AGAP1: variants seen among roughly 807,000 people sequenced by gnomAD.
AGAP1 encodes ArfGAP with GTPase domain, ankyrin repeat and PH domain 1, also known as arf-GAP with GTPase, ANK repeat and PH domain-containing protein 1.
A neutral mutation model predicts 105.3 loss-of-function variants in AGAP1; 29 were observed. The ratio of observed to expected loss-of-function variants is 0.28; its 90% CI spans 0.21 to 0.38. The LOEUF is 0.38. Ranked by LOEUF, AGAP1 falls within the 10% of genes least tolerant of loss-of-function variation. AGAP1 has a pLI of 1.00. For missense variants in AGAP1, 998 were observed against 1,165.1 expected (o/e 0.86, Z 2.09); for synonymous variants, 509 against 485.9 (o/e 1.05, Z -0.63).
chr2:235,828,164 T>C (rs574498583), intron 9 of AGAP1, among the ~76,000 whole-genome samples: 32 of 152,340 alleles, frequency 2.1e-4, no homozygotes, highest in African/African-American at 7.5e-4. Flanking sequence ...TCGAGTATCT[T>C]TCTTGGCTAC....
Position 235,494,770 on chromosome 2 carries a change from C to T in AGAP1, c.84C>T (p.Tyr28=), listed in dbSNP as rs777593432. 15 of 1,581,722 alleles carry T rather than the reference C, an allele frequency of 9.5e-6. No individual in the cohort carries two copies. Among genetic ancestry groups the T allele is most frequent in the Admixed American group, 8.8e-5 (5 of 56,790 alleles). The change falls in exon 1 of 18, where the codon TAC becomes TAT. Residue 28 remains tyrosine, a synonymous_variant. Transcript: ENST00000304032. Reference sequence around the variant, plus strand: ...TCGAGTCGGTCCACCCCAACATCTACTCCATCTACGAGCTGCTGGAGCGCG... The same window carrying T: ...TCGAGTCGGTCCACCCCAACATCTATTCCATCTACGAGCTGCTGGAGCGCG... ...QRFESVHPNI[Y]SIYELLERVE... is the part of the protein sequence containing the mutation.
At chr2:235,511,820 G>GTGTGAA (rs1559212578) in intron 1 of AGAP1, among the ~76,000 whole-genome samples, 2 of 152,102 alleles carry the variant, frequency 1.3e-5, no homozygotes, top group African/African-American at 4.8e-5. Flanking sequence ...GTGTGAGTGT[G>GTGTGAA]TGTGAATGTG....
Position 235,988,384 on chromosome 2 carries a change from C to G in AGAP1, c.1645+19761C>G, listed in dbSNP as rs1012637319. 4.6e-5 allele frequency among the ~76,000 whole-genome samples: 7 copies of G among 152,118 alleles called. No individual in the cohort carries two copies. Among genetic ancestry groups the G allele is most frequent in the African/African-American group, 1.7e-4 (7 of 41,430 alleles). Reference sequence around the variant, plus strand: ...TGGTGCGTGGGTGACAATGGATTCCCTGTCCCTGCTGCCATGAATCAGTCG... The same window carrying G: ...TGGTGCGTGGGTGACAATGGATTCCGTGTCCCTGCTGCCATGAATCAGTCG... On this transcript the variant is annotated intron_variant, in intron 13 of 17. Coordinates refer to ENST00000304032, the MANE Select transcript of AGAP1 (RefSeq NM_001037131.3). The surrounding 1 kb of genome is among the most constrained non-coding windows in gnomAD (Gnocchi z 4.7).
chr2:235,631,212 T>G lies in AGAP1; in HGVS notation c.164-77967T>G, dbSNP rs1946819426. Among the ~76,000 whole-genome samples the G allele has an allele frequency of 1.3e-5, 2 of 152,014 alleles. No homozygotes were observed. Among genetic ancestry groups the G allele is most frequent in the Non-Finnish European group, 2.9e-5 (2 of 68,000 alleles). The stretch of plus-strand genomic sequence containing the variant: ...CGTTGAAGAGCCTCCTTCCAGTGGG[T>G]AAATGGCAAACTCGATAACTGGAAT... On this transcript the variant is annotated intron_variant, in intron 1 of 17. Transcript: ENST00000304032. This position sits in a 1 kb window ranked among gnomAD's most constrained non-coding sequence, Gnocchi z 5.4.
At position 235,992,822 on chromosome 2, in the gene AGAP1, C is replaced by T. The variant is rs565318956; in HGVS notation, c.1645+24199C>T. ...CTCTTTGGGGTAGACCAGCCGTTTC[C>T]ACGCACAGGCTGCACATTGTTTCAT... On this transcript the variant is annotated intron_variant, in intron 13 of 17. Coordinates refer to ENST00000304032, the MANE Select transcript of AGAP1 (RefSeq NM_001037131.3). The surrounding 1 kb of genome is among the most constrained non-coding windows in gnomAD (Gnocchi z 4.8). Among the ~76,000 whole-genome samples, 1 of 152,272 alleles carries T rather than the reference C, an allele frequency of 6.6e-6. No homozygotes were observed. The highest frequency in any genetic ancestry group is 2.1e-4 in the South Asian group (1 of 4,820).
Position 235,689,780 on chromosome 2 carries a change from T to C in AGAP1, c.164-19399T>C. Among the ~76,000 whole-genome samples, 1 of 152,226 alleles carries C rather than the reference T, an allele frequency of 6.6e-6. No individual in the cohort carries two copies. The highest frequency in any genetic ancestry group is 1.5e-5 in the Non-Finnish European group (1 of 68,040). On this transcript the variant is annotated intron_variant, in intron 1 of 17. Transcript: ENST00000304032. The surrounding 1 kb of genome is among the most constrained non-coding windows in gnomAD (Gnocchi z 4.2). ...TGTGTACGTGCACACTTGTGTGACG[T>C]GTCAGCTCGTGCCTGCAGAGACTCT...
chr2:236,116,354 G>GTTTTTTTTTTTT (rs1382491873), intron 16 of AGAP1, among the ~76,000 whole-genome samples: 2 of 90,636 alleles, frequency 2.2e-5, no homozygotes, highest in Non-Finnish European at 2.6e-5. Flanking sequence ...GGTTAATTAA[G>GTTTTTTTTTTTT]TTCTTTTTTT....
At chr2:235,587,151 A>G (rs968663180) in intron 1 of AGAP1, among the ~76,000 whole-genome samples, 1 of 152,114 alleles carries the variant, frequency 6.6e-6, no homozygotes, top group Non-Finnish European at 1.5e-5. Context: ...GTGATAATAG[A>G]CTCACGTTGA....
At position 235,863,301 on chromosome 2, in the gene AGAP1, G is replaced by A. The variant is rs1382398448; in HGVS notation, c.1051-20044G>A. Among the ~76,000 whole-genome samples the A allele has an allele frequency of 2.6e-5, 4 of 152,214 alleles. No individual in the cohort carries two copies. In the South Asian group the frequency reaches 8.3e-4, roughly 32 times the overall value. On this transcript the variant is annotated intron_variant, in intron 9 of 17. Coordinates refer to ENST00000304032, the MANE Select transcript of AGAP1 (RefSeq NM_001037131.3). ...TTCCATTTTGCAGGGGCAGGTACAT[G>A]AGAAAAAGTAAGAAGAAATAAGTGA...
chr2:235,514,338 G>A, intron 1 of AGAP1, among the ~76,000 whole-genome samples: 1 of 152,228 alleles, frequency 6.6e-6, no homozygotes, highest in South Asian at 2.1e-4. Flanking sequence ...GAAATTCCTT[G>A]GCCTCACCCT....
Position 236,065,154 on chromosome 2 carries a change from G to A in AGAP1, c.2114+15873G>A, listed in dbSNP as rs148747462. Among the ~76,000 whole-genome samples, 39 of 152,310 alleles carry A rather than the reference G, an allele frequency of 2.6e-4. 1 individual carries two copies. The highest frequency in any genetic ancestry group is 4.1e-4 in the Non-Finnish European group (28 of 68,030). ...ACGTGCTGCCTTCATCACGGGCTTC[G>A]TCAAAACCTCTGGGTTTCAACACAG... is the stretch of plus-strand genomic sequence containing the variant. On this transcript the variant is annotated intron_variant, in intron 16 of 17. Coordinates refer to ENST00000304032, the MANE Select transcript of AGAP1 (RefSeq NM_001037131.3).
At chr2:235,763,057 T>TGTGTGTGCGCGC (rs953192018) in intron 6 of AGAP1, among the ~76,000 whole-genome samples, 20 of 107,108 alleles carry the variant, frequency 1.9e-4, no homozygotes, top group South Asian at 7.5e-4. Flanking sequence ...TGTGTATGTG[T>TGTGTGTGCGCGC]GCGCGCGCGC....
At chr2:236,122,865 A>G (rs2059933852) in intron 17 of AGAP1, among the ~76,000 whole-genome samples, 1 of 151,816 alleles carries the variant, frequency 6.6e-6, no homozygotes, top group South Asian at 2.1e-4. Flanking sequence ...CTGTATTTTT[A>G]GTAGAGACGA....
chr2:235,880,547 A>G (rs943981905), intron 9 of AGAP1, among the ~76,000 whole-genome samples: 1 of 150,486 alleles, frequency 6.6e-6, no homozygotes, highest in African/African-American at 2.5e-5. Context: ...CCTGGCTAAC[A>G]TGGTGAAACC....
chr2:236,024,557 C>T lies in AGAP1; in HGVS notation c.1646-12004C>T, dbSNP rs188350521. 1.6e-4 allele frequency among the ~76,000 whole-genome samples: 24 copies of T among 152,272 alleles called. No homozygotes were observed. In the East Asian group the frequency reaches 4.6e-3, roughly 29 times the overall value. On this transcript the variant is annotated intron_variant, in intron 13 of 17. Coordinates refer to ENST00000304032, the MANE Select transcript of AGAP1 (RefSeq NM_001037131.3). ...TTGAAAGCAACTTCCAAATGTGAAA[C>T]GGTTTTCAGCTGCTTTTAGCCCTTT...
intron 9 of AGAP1, among the ~76,000 whole-genome samples, chr2:235,836,278 A>G (rs1329982856): frequency 6.6e-6 from 1 of 152,220 alleles, no homozygotes; most frequent in Non-Finnish European, 1.5e-5. Flanking sequence ...TCTTTGGTAA[A>G]GGTACAGCGA....
rs1553568726 is a variant in AGAP1, at chr2:235,573,026, T to TC, written c.163+78178dup. ...TTCTTCTTCTTCTTCTTCTTCTTCTTCTTCTTCTTCTTCTTCTTCTTCTTC... is the reference window on the plus strand; with the variant it reads ...TTCTTCTTCTTCTTCTTCTTCTTCTTCCTTCTTCTTCTTCTTCTTCTTCTTC... On this transcript the variant is annotated intron_variant, in intron 1 of 17. Coordinates refer to ENST00000304032, the MANE Select transcript of AGAP1 (RefSeq NM_001037131.3). Among the ~76,000 whole-genome samples the TC allele has an allele frequency of 2.7e-4, 5 of 18,806 alleles. No homozygotes were observed. The East Asian group carries it at 7.9e-3, about 30-fold the overall frequency. 12.3% of individuals were successfully genotyped at this position (18,806 alleles called of 152,430 possible).
rs192819710 is a variant in AGAP1 at position 235,661,620 on chromosome 2, C to G, written c.164-47559C>G. 3.8e-3 allele frequency among the ~76,000 whole-genome samples: 584 copies of G among 152,276 alleles called. 14 individuals carry two copies. Among genetic ancestry groups the G allele is most frequent in the Admixed American group, 0.035 (535 of 15,296 alleles). Reference sequence around the variant, plus strand: ...TGATGTGGACTTGGGGCTTCCGATGCTCGTGCTAGCCTGAATCTCCGGGAG... The same window carrying G: ...TGATGTGGACTTGGGGCTTCCGATGGTCGTGCTAGCCTGAATCTCCGGGAG... On this transcript the variant is annotated intron_variant, in intron 1 of 17. Coordinates refer to ENST00000304032, the MANE Select transcript of AGAP1 (RefSeq NM_001037131.3).
Position 235,877,309 on chromosome 2 carries a change from A to G in AGAP1, c.1051-6036A>G, listed in dbSNP as rs2049792628. Among the ~76,000 whole-genome samples, 1 of 152,298 alleles carries G rather than the reference A, an allele frequency of 6.6e-6. No individual in the cohort carries two copies. Among genetic ancestry groups the G allele is most frequent in the African/African-American group, 2.4e-5 (1 of 41,562 alleles). On this transcript the variant is annotated intron_variant, in intron 9 of 17. Coordinates refer to ENST00000304032, the MANE Select transcript of AGAP1 (RefSeq NM_001037131.3). This position sits in a 1 kb window ranked among gnomAD's most constrained non-coding sequence, Gnocchi z 4.3. ...TTATATTTATTAAACATTTAAATTA[A>G]TACCATTAATTTACTGTGCATTTAA...
Sources: gnomAD v4.1 joint callset for allele counts (sites outside exome capture counted in the v4.1 genomes callset) on GRCh38, gnomAD v4.1.1 for gene constraint, Gnocchi (gnomAD v3.1) non-coding constraint, MANE v1.5 for transcripts, NCBI Gene and HGNC (gene_info 2026-07-23, HGNC 2026-07-21) for gene names.